The following CACNG7 variants were observed in gnomAD, a reference collection of about 807,000 sequenced individuals.
CACNG7 encodes the protein calcium voltage-gated channel auxiliary subunit gamma 7, also known as voltage-dependent calcium channel gamma-7 subunit.
In CACNG7, 9 loss-of-function variants were observed where a neutral mutation model predicts 26.3. That is an observed-to-expected ratio of 0.34 (90% CI 0.21 to 0.60). The LOEUF (loss-of-function observed/expected upper bound fraction) is 0.60. Among genes scored for constraint, CACNG7 ranks in the 20% least tolerant of loss-of-function variants. CACNG7 has a pLI of 0.81. For missense variants in CACNG7, 297 were observed against 380.4 expected (o/e 0.78, Z 1.82); for synonymous variants, 170 against 157.0 (o/e 1.08, Z -0.62).
chr19:53,928,171 A>G (rs2069046245), intron 4 of CACNG7, among the ~76,000 whole-genome samples: 1 of 152,180 alleles, frequency 6.6e-6, no homozygotes, highest in African/African-American at 2.4e-5. Context: ...GACTTACTAC[A>G]AAGAAAAAAG....
In CACNG7 at chr19:53,915,385, C is replaced by G. The variant is rs1208435269; in HGVS notation, c.304C>G (p.Pro102Ala). 1 of 1,614,050 alleles carries G rather than the reference C, an allele frequency of 6.2e-7. No individual in the cohort carries two copies. The highest frequency in any genetic ancestry group is 8.5e-7 in the Non-Finnish European group (1 of 1,179,946). ...CCCAGAGACAGTGCGCACGGCCACCCCCTTCCCCATGGTCAGCCTCTTCCT... is the reference window on the plus strand; with the variant it reads ...CCCAGAGACAGTGCGCACGGCCACCGCCTTCCCCATGGTCAGCCTCTTCCT... ...NILKTVRTATPFPMVSLFLVF... is the reference protein window; with the variant it reads ...NILKTVRTATAFPMVSLFLVF... The change falls in exon 4 of 6, where the codon CCC becomes GCC. Residue 102 changes from proline (P) to alanine (A), a missense_variant. By Grantham distance (27) the Pro-to-Ala change is conservative (BLOSUM62 -1). Transcript: ENST00000391767.
In CACNG7 at chr19:53,912,184, T is replaced by G. The variant is rs941968995; in HGVS notation, c.-29-619T>G. On this transcript the variant is annotated intron_variant, in intron 1 of 5. Coordinates refer to ENST00000391767, the MANE Select transcript of CACNG7 (RefSeq NM_031896.5). This position sits in a 1 kb window ranked among gnomAD's most constrained non-coding sequence, Gnocchi z 4.6. ...CTGGGATCTAGGTCCTGGCTCAGAG[T>G]TGAGGTTATTGATCCTTGTTGGAGT... is the stretch of plus-strand genomic sequence containing the variant. 1.3e-5 allele frequency among the ~76,000 whole-genome samples: 2 copies of G among 151,672 alleles called. No homozygotes were observed. The highest frequency in any genetic ancestry group is 1.3e-4 in the Admixed American group (2 of 15,204).
intron 4 of CACNG7, among the ~76,000 whole-genome samples, chr19:53,924,792 T>G (rs34394667): frequency 0.43 from 46,991 of 109,158 alleles, 9,514 homozygotes; most frequent in African/African-American, 0.63. Flanking sequence ...ACTTGCCTAG[T>G]GCTGGTCATT....
Position 53,915,545 on chromosome 19 carries a change from A to G in CACNG7, c.424+40A>G, listed in dbSNP as rs764439041. On this transcript the variant is annotated intron_variant, in intron 4 of 5. Transcript: ENST00000391767. ...TTGGGGGTTGGGGGGGACCATTTCC[A>G]GTTCCAGGGACCTGTGGTTCCTTTT... is the stretch of plus-strand genomic sequence containing the variant. 9.3e-6 allele frequency: 15 copies of G among 1,609,384 alleles called. No homozygotes were observed. The Admixed American group carries it at 2.5e-4, about 27-fold the overall frequency.
At chr19:53,928,611 G>A (rs1165581888) in intron 4 of CACNG7, among the ~76,000 whole-genome samples, 1 of 151,918 alleles carries the variant, frequency 6.6e-6, no homozygotes, top group Non-Finnish European at 1.5e-5. Flanking sequence ...GTGAAACTTG[G>A]ACCTTAAGTC....
chr19:53,935,850 A>T lies in CACNG7; in HGVS notation c.425-5620A>T, dbSNP rs1166375442. 3.3e-5 allele frequency among the ~76,000 whole-genome samples: 5 copies of T among 151,824 alleles called. No homozygotes were observed. The East Asian group carries it at 9.7e-4, about 30-fold the overall frequency. ...GAGACAGGATTTCTCCATGTTGGCCAGGCTGATCTCGAACTCCTGACCTCA... is the reference window on the plus strand; with the variant it reads ...GAGACAGGATTTCTCCATGTTGGCCTGGCTGATCTCGAACTCCTGACCTCA... On this transcript the variant is annotated intron_variant, in intron 4 of 5. Coordinates refer to ENST00000391767, the MANE Select transcript of CACNG7 (RefSeq NM_031896.5).
At chr19:53,916,326 C>A (rs1298728153) in intron 4 of CACNG7, among the ~76,000 whole-genome samples, 1 of 150,700 alleles carries the variant, frequency 6.6e-6, no homozygotes, top group Admixed American at 6.6e-5. Flanking sequence ...TATTAGCACT[C>A]ACTTGATAAC....
chr19:53,922,447 G>A (rs1473442481), intron 4 of CACNG7, among the ~76,000 whole-genome samples: 1 of 113,292 alleles, frequency 8.8e-6, no homozygotes, highest in African/African-American at 3.8e-5. Flanking sequence ...TGGTGGAGTT[G>A]TCCCAGGCTG....
chr19:53,919,156 C>G (rs376256226), intron 4 of CACNG7, among the ~76,000 whole-genome samples: 2 of 152,172 alleles, frequency 1.3e-5, no homozygotes, highest in East Asian at 3.9e-4. Context: ...ATTATGCTGC[C>G]CCACCAAGAT....
chr19:53,931,262 G>A (rs1262099284), intron 4 of CACNG7, among the ~76,000 whole-genome samples: 4 of 152,108 alleles, frequency 2.6e-5, no homozygotes, highest in Non-Finnish European at 5.9e-5. Context: ...TATCAGACAT[G>A]GACGTTTTAT....
chr19:53,941,603 C>T lies in CACNG7; in HGVS notation c.558C>T (p.Phe186=), dbSNP rs754541309. ...CTTTTGCCTTCGCCGCTTCCTCCTT[C>T]CTACTCAAAGAGGTGACGTCCGTGG... is the stretch of plus-strand genomic sequence containing the variant. ...GWSFAFAASS[F]LLKEGAGVMS... is the part of the protein sequence containing the mutation. Residue 186 remains phenylalanine (F), a synonymous_variant, in exon 5 of 6, where the codon TTC becomes TTT. Coordinates refer to ENST00000391767, the MANE Select transcript of CACNG7 (RefSeq NM_031896.5). 1.1e-5 allele frequency: 17 copies of T among 1,611,920 alleles called. No homozygotes were observed. The African/African-American group carries it at 2.0e-4, about 19-fold the overall frequency.
chr19:53,935,701 G>A (rs1265596174), intron 4 of CACNG7, among the ~76,000 whole-genome samples: 1 of 117,748 alleles, frequency 8.5e-6, no homozygotes, highest in Non-Finnish European at 1.6e-5. Flanking sequence ...GTGCAATGGC[G>A]CGATCTCGGC....
intron 4 of CACNG7, among the ~76,000 whole-genome samples, chr19:53,941,177 G>GC (rs1158822222): frequency 6.6e-6 from 1 of 152,212 alleles, no homozygotes; most frequent in African/African-American, 2.4e-5. Flanking sequence ...CACACAGCGT[G>GC]CTACTTCCTT....
intron 3 of CACNG7, 38 bp downstream of exon 3, chr19:53,914,624 A>C: frequency 1.3e-6 from 2 of 1,576,982 alleles, no homozygotes; most frequent in Non-Finnish European, 1.7e-6. Flanking sequence ...CAAGACAGCA[A>C]GATCACAGCC....
At chr19:53,933,705 C>T (rs1346773245) in intron 4 of CACNG7, among the ~76,000 whole-genome samples, 2 of 142,110 alleles carry the variant, frequency 1.4e-5, no homozygotes, top group Non-Finnish European at 3.0e-5. Context: ...ATAGGTGGTG[C>T]TATTCACATC....
chr19:53,916,162 C>T (rs1397753984), intron 4 of CACNG7, among the ~76,000 whole-genome samples: 1 of 152,206 alleles, frequency 6.6e-6, no homozygotes, highest in Non-Finnish European at 1.5e-5. Context: ...AAGTTTCAGG[C>T]ATCACTACAC....
rs1024491140 is a variant in CACNG7, at chr19:53,940,329, C to T, written c.425-1141C>T. Among the ~76,000 whole-genome samples, 15 of 152,132 alleles carry T rather than the reference C, an allele frequency of 9.9e-5. No homozygotes were observed. Among genetic ancestry groups the T allele is most frequent in the Non-Finnish European group, 1.9e-4 (13 of 68,024 alleles). The stretch of plus-strand genomic sequence containing the variant: ...GTTTGAATGAATGTATATATATACA[C>T]AACACCAAGAACAGTGCCTGGCACA... On this transcript the variant is annotated intron_variant, in intron 4 of 5. Transcript: ENST00000391767. The surrounding 1 kb of genome is among the most constrained non-coding windows in gnomAD (Gnocchi z 4.1).
At chr19:53,920,674 C>A (rs1410812578) in intron 4 of CACNG7, among the ~76,000 whole-genome samples, 7 of 116,726 alleles carry the variant, frequency 6.0e-5, no homozygotes, top group African/African-American at 3.2e-4. Flanking sequence ...TGGAGTTGCC[C>A]CAGGTCTGGT....
chr19:53,927,167 A>G (rs1041280112), intron 4 of CACNG7, among the ~76,000 whole-genome samples: 141 of 151,918 alleles, frequency 9.3e-4, no homozygotes, highest in African/African-American at 3.3e-3. Flanking sequence ...TGATCCACCC[A>G]CCTTGGCCTC....
Sources: gnomAD v4.1 joint callset for allele counts (sites outside exome capture counted in the v4.1 genomes callset) on GRCh38, gnomAD v4.1.1 for gene constraint, Gnocchi (gnomAD v3.1) non-coding constraint, MANE v1.5 for transcripts, NCBI Gene and HGNC (gene_info 2026-07-23, HGNC 2026-07-21) for gene names.